Variants in AMPH observed in about 807,000 individuals in gnomAD.
The protein encoded by AMPH is amphiphysin (Stiff-Mann syndrome with breast cancer 128kD autoantigen).
In AMPH, 49 loss-of-function variants were observed where a neutral mutation model predicts 99.1. The observed-to-expected ratio is 0.49, with a 90% CI of 0.39 to 0.63. AMPH has a LOEUF of 0.63. AMPH is among the 20% of genes least tolerant of loss of function. AMPH has a pLI of 0.00. For missense variants in AMPH, 759 were observed against 863.4 expected (o/e 0.88, Z 1.52); for synonymous variants, 314 against 317.3 (o/e 0.99, Z 0.11).
chr7:38,478,469 C>T (rs934353618), intron 5 of AMPH, among the ~76,000 whole-genome samples: 1 of 152,176 alleles, frequency 6.6e-6, no homozygotes, highest in Non-Finnish European at 1.5e-5. Context: ...CTCACATTAA[C>T]GGCCTGACAA....
At chr7:38,505,360 T>C (rs961059192) in intron 2 of AMPH, among the ~76,000 whole-genome samples, 1 of 152,166 alleles carries the variant, frequency 6.6e-6, no homozygotes, top group African/African-American at 2.4e-5. Context: ...CAGGTTATTT[T>C]TGCAGCTCTA....
intron 11 of AMPH, among the ~76,000 whole-genome samples, chr7:38,441,743 G>T (rs10951555): frequency 0.62 from 80,924 of 131,044 alleles, 25,748 homozygotes; most frequent in East Asian, 0.87. Flanking sequence ...ATATATGACA[G>T]ATATATCATA....
At chr7:38,522,539 G>T (rs1442936043) in intron 2 of AMPH, among the ~76,000 whole-genome samples, 1 of 152,144 alleles carries the variant, frequency 6.6e-6, no homozygotes, top group African/African-American at 2.4e-5. Context: ...CCATCAGCAA[G>T]TGGGAACTCA....
intron 11 of AMPH, among the ~76,000 whole-genome samples, chr7:38,460,645 A>T (rs1787403002): frequency 1.3e-5 from 2 of 152,226 alleles, no homozygotes. Context: ...GGAGCTTAGA[A>T]ACAATCGATC....
intron 1 of AMPH, among the ~76,000 whole-genome samples, chr7:38,622,572 C>T (rs1794110759): frequency 6.6e-6 from 1 of 151,930 alleles, no homozygotes; most frequent in African/African-American, 2.4e-5. Flanking sequence ...TAGTGTTTTT[C>T]AAATTGTGGG....
intron 3 of AMPH, among the ~76,000 whole-genome samples, chr7:38,503,135 G>T (rs1789201486): frequency 1.3e-5 from 2 of 152,228 alleles, no homozygotes; most frequent in South Asian, 4.1e-4. Flanking sequence ...TCATGCTAGG[G>T]CCTCTCCATG....
At chr7:38,429,029 C>A (rs879608516) in intron 14 of AMPH, 23 of 1,290,216 alleles carry the variant, frequency 1.8e-5, no homozygotes, top group Non-Finnish European at 2.2e-5. Flanking sequence ...CTTCTAGTGT[C>A]TTGATATCAA....
chr7:38,499,123 G>C (rs539805164), intron 3 of AMPH, among the ~76,000 whole-genome samples: 1 of 152,296 alleles, frequency 6.6e-6, no homozygotes, highest in South Asian at 2.1e-4. Context: ...TCTGTCCTCT[G>C]TTATGATGGC....
chr7:38,396,887 C>A (rs1784686582), intron 17 of AMPH, among the ~76,000 whole-genome samples: 1 of 152,156 alleles, frequency 6.6e-6, no homozygotes, highest in Non-Finnish European at 1.5e-5. Flanking sequence ...AATAAAGTTT[C>A]TTCTATGTTA....
chr7:38,490,540 G>A (rs1340738187), intron 5 of AMPH, among the ~76,000 whole-genome samples: 3 of 152,104 alleles, frequency 2.0e-5, no homozygotes, highest in Non-Finnish European at 2.9e-5. Context: ...TATTTAAAAT[G>A]CTTATATCTT....
intron 1 of AMPH, among the ~76,000 whole-genome samples, chr7:38,595,649 G>A (rs1793025198): frequency 6.6e-6 from 1 of 152,086 alleles, no homozygotes; most frequent in African/African-American, 2.4e-5. Context: ...GCTAAGGTTT[G>A]GGATATGACT....
chr7:38,436,260 A>T lies in AMPH; in HGVS notation c.1134+12T>A, dbSNP rs1455287976. 12 of 1,603,496 alleles carry T rather than the reference A, an allele frequency of 7.5e-6. No homozygotes were observed. Among genetic ancestry groups the T allele is most frequent in the African/African-American group, 1.3e-5 (1 of 74,728 alleles). ...ATGAAATATCTCCAAACATCCAAAAAGCACCTGATACCTGAGACATGGGTG... is the reference window on the plus strand; with the variant it reads ...ATGAAATATCTCCAAACATCCAAAATGCACCTGATACCTGAGACATGGGTG... On this transcript the variant is annotated intron_variant, in intron 12 of 20. Coordinates refer to ENST00000356264, the MANE Select transcript of AMPH (RefSeq NM_001635.4).
intron 1 of AMPH, among the ~76,000 whole-genome samples, chr7:38,570,985 A>AAT (rs369590269): frequency 0.12 from 1,232 of 10,254 alleles, 383 homozygotes; most frequent in African/African-American, 0.27. Flanking sequence ...ATATATATTC[A>AAT]ATATATATAT....
At chr7:38,451,558 T>C (rs1468703361) in intron 11 of AMPH, among the ~76,000 whole-genome samples, 3 of 152,132 alleles carry the variant, frequency 2.0e-5, no homozygotes, top group South Asian at 2.1e-4. Context: ...TAGGAAAGCA[T>C]ATTTTGGGGG....
intron 1 of AMPH, among the ~76,000 whole-genome samples, chr7:38,584,984 T>C (rs1358208715): frequency 1.3e-5 from 2 of 152,204 alleles, no homozygotes; most frequent in African/African-American, 2.4e-5. Flanking sequence ...ACAAAGTTCA[T>C]CTCTGAATTC....
intron 5 of AMPH, among the ~76,000 whole-genome samples, chr7:38,480,438 G>A (rs565784436): frequency 6.6e-6 from 1 of 152,190 alleles, no homozygotes; most frequent in African/African-American, 2.4e-5. Flanking sequence ...CTCAGTCTCG[G>A]TTAGTGCTTC....
intron 3 of AMPH, 42 bp downstream of exon 3, chr7:38,503,608 C>A (rs771464948): frequency 6.3e-7 from 1 of 1,593,904 alleles, no homozygotes; most frequent in Non-Finnish European, 8.6e-7. Context: ...CCAAGAACAA[C>A]CTGTGCTAAG....
chr7:38,495,361 TTTAC>T (rs1788892025), intron 3 of AMPH, among the ~76,000 whole-genome samples: 1 of 152,188 alleles, frequency 6.6e-6, no homozygotes, highest in African/African-American at 2.4e-5. Context: ...AAGATAATTA[TTTAC>T]TTACTTACTC....
At position 38,414,013 on chromosome 7, in the gene AMPH, G is replaced by C. The variant is rs1785292885; in HGVS notation, c.1398+3812C>G. ...ACCAGTCTGTGGAAACTAGGAGGCA[G>C]GAGCCATATCTATTTACCACATCTC... On this transcript the variant is annotated intron_variant, in intron 17 of 20. Coordinates refer to ENST00000356264, the MANE Select transcript of AMPH (RefSeq NM_001635.4). Among the ~76,000 whole-genome samples the C allele has an allele frequency of 3.3e-5, 5 of 152,236 alleles. No individual in the cohort carries two copies. In the South Asian group the frequency reaches 1.0e-3, roughly 31 times the overall value.
Sources: gnomAD v4.1 joint callset for allele counts (sites outside exome capture counted in the v4.1 genomes callset) on GRCh38, gnomAD v4.1.1 for gene constraint, MANE v1.5 for transcripts, NCBI Gene and HGNC (gene_info 2026-07-23, HGNC 2026-07-21) for gene names.